Variants in DDC observed in about 807,000 individuals in gnomAD.
The protein encoded by DDC is dopa decarboxylase.
A neutral mutation model predicts 60.0 loss-of-function variants in DDC; 43 were observed. The ratio of observed to expected loss-of-function variants is 0.72; its 90% confidence interval spans 0.56 to 0.92. The LOEUF (loss-of-function observed/expected upper bound fraction) is 0.92. DDC is among the 40% of genes least tolerant of loss of function. The probability of loss-of-function intolerance (pLI) is 0.00; values close to 1 mark genes in which losing one functional copy is unlikely to be tolerated. For missense variants in DDC, 573 were observed against 620.2 expected, an observed-to-expected ratio of 0.92 and a Z score of 0.81; for synonymous variants, 232 against 234.6, an observed-to-expected ratio of 0.99 and a Z score of 0.10.
intron 6 of DDC, among the ~76,000 whole-genome samples, chr7:50,512,698 G>C (rs1270757380): frequency 6.6e-6 from 1 of 152,206 alleles, no homozygotes. Flanking sequence ...CAAAGAGGTG[G>C]TGGCCATTGT....
chr7:50,490,351 C>T (rs1458370453), intron 9 of DDC, among the ~76,000 whole-genome samples: 1 of 152,120 alleles, frequency 6.6e-6, no homozygotes, highest in Non-Finnish European at 1.5e-5. Flanking sequence ...ACAGAAAAAT[C>T]CTTGACTGGG....
At chr7:50,485,249 T>C (rs867414629) in intron 9 of DDC, among the ~76,000 whole-genome samples, 34 of 152,196 alleles carry the variant, frequency 2.2e-4, no homozygotes, top group African/African-American at 8.2e-4. Context: ...CTGGACAGAA[T>C]GGCTCACATT....
intron 13 of DDC, among the ~76,000 whole-genome samples, chr7:50,466,027 C>T (rs944135055): frequency 2.0e-5 from 3 of 152,232 alleles, no homozygotes; most frequent in African/African-American, 7.2e-5. Context: ...CGCCTCAGAG[C>T]TCCAAGAGTC....
At chr7:50,470,506 A>T (rs1367631840) in intron 11 of DDC, among the ~76,000 whole-genome samples, 1 of 152,246 alleles carries the variant, frequency 6.6e-6, no homozygotes, top group Non-Finnish European at 1.5e-5. Context: ...AACAGGGAAG[A>T]CACGGCCCTG....
At chr7:50,462,165 A>G (rs2042287494) in intron 14 of DDC, among the ~76,000 whole-genome samples, 2 of 148,700 alleles carry the variant, frequency 1.3e-5, no homozygotes, top group South Asian at 4.4e-4. Flanking sequence ...AGGGAGAGAG[A>G]GAAAGAGAAG....
Position 50,460,714 on chromosome 7 carries a change from C to A in DDC, c.*19-1871G>T, listed in dbSNP as rs1407200233. Among the ~76,000 whole-genome samples, 5 of 151,752 alleles carry A rather than the reference C, an allele frequency of 3.3e-5. No individual in the cohort carries two copies. The South Asian group carries it at 8.3e-4, about 25-fold the overall frequency. On this transcript the variant is annotated intron_variant, in intron 14 of 14. Coordinates refer to ENST00000444124, the MANE Select transcript of DDC (RefSeq NM_001082971.2). Reference sequence around the variant, plus strand: ...ATTTTGTTCTGTACTAAGAAAAATTCTTCTGCCTCGTGATCCTGTTGATCA... The same window carrying A: ...ATTTTGTTCTGTACTAAGAAAAATTATTCTGCCTCGTGATCCTGTTGATCA...
At chr7:50,547,191 T>C (rs1309791598) in intron 1 of DDC, among the ~76,000 whole-genome samples, 1 of 151,564 alleles carries the variant, frequency 6.6e-6, no homozygotes, top group Non-Finnish European at 1.5e-5. Flanking sequence ...CTCATGTTGA[T>C]AAATACTTTT....
intron 6 of DDC, among the ~76,000 whole-genome samples, chr7:50,517,018 C>G (rs1397665982): frequency 6.6e-6 from 1 of 152,088 alleles, no homozygotes; most frequent in African/African-American, 2.4e-5. Flanking sequence ...TGGTACCAAT[C>G]CTTTTGACAC....
intron 6 of DDC, among the ~76,000 whole-genome samples, chr7:50,506,745 A>C (rs1180622695): frequency 6.6e-6 from 1 of 152,210 alleles, no homozygotes; most frequent in Non-Finnish European, 1.5e-5. Flanking sequence ...TATTTTTCTT[A>C]CCTACAAAGC....
Position 50,474,877 on chromosome 7 carries a change from C to T in DDC, c.1041+1747G>A, listed in dbSNP as rs113478184. 4.0e-3 allele frequency among the ~76,000 whole-genome samples: 608 copies of T among 152,084 alleles called. 4 individuals carry two copies. Among genetic ancestry groups the T allele is most frequent in the Middle Eastern group, 0.014 (4 of 294 alleles). ...AATAAAAGGCATGAAGTGTTCGTGC[C>T]TGTTACCCCATTTTCAGTCTCATGC... On this transcript the variant is annotated intron_variant, in intron 11 of 14. Transcript: ENST00000444124.
At chr7:50,552,624 C>G (rs928358996) in intron 1 of DDC, among the ~76,000 whole-genome samples, 1 of 152,116 alleles carries the variant, frequency 6.6e-6, no homozygotes, top group Admixed American at 6.5e-5. Context: ...TCAATAACAC[C>G]CTTTGCTAAT....
rs779977564 is a variant in DDC at position 50,467,236 on chromosome 7, C to T, written c.1220G>A (p.Gly407Glu). Residue 407 changes from glycine to glutamate, a missense_variant, in exon 13 of 15, where the codon GGG (glycine) becomes GAG (glutamate). Gly to Glu is a moderately conservative substitution (Grantham distance 98). Coordinates refer to ENST00000444124, the MANE Select transcript of DDC (RefSeq NM_001082971.2). ...AACCTTTAGCCGAAAGCAGACAAGC[C>T]CCAGAATGACTTCCACACAGATTTC... ...RFEICVEVILGLVCFRLKGSN... is the reference protein window; with the variant it reads ...RFEICVEVILELVCFRLKGSN... 1 of 1,614,068 alleles carries T rather than the reference C, an allele frequency of 6.2e-7. No individual in the cohort carries two copies. Among genetic ancestry groups the T allele is most frequent in the Non-Finnish European group, 8.5e-7 (1 of 1,179,958 alleles).
chr7:50,473,692 C>T (rs2042581762), intron 11 of DDC, among the ~76,000 whole-genome samples: 1 of 152,232 alleles, frequency 6.6e-6, no homozygotes, highest in Non-Finnish European at 1.5e-5. Flanking sequence ...CAAACAAGGA[C>T]TGTCCCCACA....
At chr7:50,490,358 T>G (rs1202782628) in intron 9 of DDC, among the ~76,000 whole-genome samples, 1 of 152,156 alleles carries the variant, frequency 6.6e-6, no homozygotes, top group African/African-American at 2.4e-5. Context: ...AATCCTTGAC[T>G]GGGACTGAGG....
intron 4 of DDC, among the ~76,000 whole-genome samples, chr7:50,532,240 AAC>A (rs1191737673): frequency 1.3e-5 from 2 of 152,188 alleles, no homozygotes; most frequent in Non-Finnish European, 2.9e-5. Context: ...TCCGGTGGCA[AAC>A]ACAGATCCCA....
At chr7:50,510,604 G>T (rs546026808) in intron 6 of DDC, among the ~76,000 whole-genome samples, 17 of 150,120 alleles carry the variant, frequency 1.1e-4, no homozygotes, top group Middle Eastern at 3.4e-3. Context: ...AAGTAGCAGT[G>T]GTTGCAGTGA....
At chr7:50,526,368 G>A (rs191675130) in intron 6 of DDC, among the ~76,000 whole-genome samples, 1 of 152,150 alleles carries the variant, frequency 6.6e-6, no homozygotes, top group Non-Finnish European at 1.5e-5. Context: ...AAAAGTGAAG[G>A]CACAGTAAAG....
chr7:50,464,006 C>T (rs2042341947), intron 13 of DDC, among the ~76,000 whole-genome samples: 2 of 152,092 alleles, frequency 1.3e-5, no homozygotes, highest in Non-Finnish European at 2.9e-5. Context: ...ATCAATAAGC[C>T]AATGGGAAGC....
chr7:50,476,791 C>T (rs923972534), intron 10 of DDC, 148 bp from the exon 11 acceptor site: 17 of 710,560 alleles, frequency 2.4e-5, no homozygotes, highest in Middle Eastern at 2.3e-4. Context: ...GTGTTCTTTG[C>T]GGCACTTCCC....
Sources: gnomAD v4.1 joint callset for allele counts (sites outside exome capture counted in the v4.1 genomes callset) on GRCh38, gnomAD v4.1.1 for gene constraint, MANE v1.5 for transcripts, NCBI Gene and HGNC (gene_info 2026-07-23, HGNC 2026-07-21) for gene names.